The following TTC39B variants were observed in gnomAD, a reference collection of about 807,000 sequenced individuals.
TTC39B encodes tetratricopeptide repeat domain 39B.
In TTC39B, 92 loss-of-function variants were observed where a neutral mutation model predicts 96.6. The observed-to-expected ratio is 0.95, with a 90% CI of 0.80 to 1.13. The LOEUF (loss-of-function observed/expected upper bound fraction) is 1.13. Ranked by LOEUF, TTC39B falls within the 50% of genes most tolerant of loss-of-function variation. The pLI, the probability that TTC39B is intolerant of heterozygous loss-of-function variation, is 0.00. For synonymous variants in TTC39B, 367 were observed against 299.4 expected (o/e 1.23, Z -2.33); for missense variants, 955 against 809.3 (o/e 1.18, Z -2.18).
intron 1 of TTC39B, among the ~76,000 whole-genome samples, chr9:15,279,221 T>C (rs544052517): frequency 1.3e-5 from 2 of 152,366 alleles, no homozygotes; most frequent in East Asian, 3.9e-4. Flanking sequence ...ACCTCCTGCA[T>C]GATCTTGCTC....
chr9:15,176,720 T>C (rs1384665770), intron 18 of TTC39B, among the ~76,000 whole-genome samples: 1 of 152,138 alleles, frequency 6.6e-6, no homozygotes, highest in Non-Finnish European at 1.5e-5. Context: ...AATAATCAAA[T>C]AGAGCTGAGG....
At chr9:15,233,167 G>A (rs1821525910) in intron 2 of TTC39B, among the ~76,000 whole-genome samples, 1 of 152,092 alleles carries the variant, frequency 6.6e-6, no homozygotes, top group Non-Finnish European at 1.5e-5. Context: ...GTTGCTTCAG[G>A]ACCTTTTCTA....
intron 14 of TTC39B, 76 bp from the exon 15 acceptor site, chr9:15,187,111 C>G: frequency 9.7e-7 from 1 of 1,028,276 alleles, no homozygotes; most frequent in Non-Finnish European, 1.4e-6. Flanking sequence ...CAGGAATGAC[C>G]AACAAGTCTT....
At chr9:15,238,842 TG>T (rs1444773919) in intron 2 of TTC39B, among the ~76,000 whole-genome samples, 5 of 152,114 alleles carry the variant, frequency 3.3e-5, no homozygotes, top group African/African-American at 1.2e-4. Flanking sequence ...GAAAATTATC[TG>T]GGCGTGGTAT....
Position 15,243,727 on chromosome 9 carries a change from T to C in TTC39B, c.276-17715A>G, listed in dbSNP as rs559543482. 6.7e-3 allele frequency among the ~76,000 whole-genome samples: 1,017 copies of C among 152,124 alleles called. 16 individuals carry two copies. The highest frequency in any genetic ancestry group is 8.8e-3 in the Non-Finnish European group (595 of 67,990). On this transcript the variant is annotated intron_variant, in intron 2 of 19. Coordinates refer to ENST00000512701, the Ensembl canonical transcript of TTC39B. The stretch of plus-strand genomic sequence containing the variant: ...AACTTCTAGACTAGCCTGGGCAACA[T>C]AGCAATAGCCCATCTCTACAAAAAA...
At chr9:15,196,848 G>C (rs1463824765) in intron 8 of TTC39B, among the ~76,000 whole-genome samples, 1 of 152,126 alleles carries the variant, frequency 6.6e-6, no homozygotes, top group African/African-American at 2.4e-5. Context: ...TTTTATGAAA[G>C]GAAAAGTCAA....
At chr9:15,166,982 T>TTATATA (rs1174714919) in exon 20 of TTC39B, 115 of 20,176 alleles carry the variant, frequency 5.7e-3, no homozygotes, top group Non-Finnish European at 6.6e-3. Flanking sequence ...AACCTTTATT[T>TTATATA]TATATATATA....
chr9:15,235,374 C>G (rs999698574), intron 2 of TTC39B, among the ~76,000 whole-genome samples: 37 of 152,242 alleles, frequency 2.4e-4, no homozygotes, highest in African/African-American at 8.9e-4. Flanking sequence ...AAAAAGTAAG[C>G]AACCTGGAAA....
chr9:15,290,519 T>G lies in TTC39B; in HGVS notation c.240+16565A>C, dbSNP rs184178675. The stretch of plus-strand genomic sequence containing the variant: ...GAAAATATAACTTAACAACTTATCT[T>G]CACAGGTATGGGACAAAGACAAGAC... On this transcript the variant is annotated intron_variant, in intron 1 of 19. Coordinates refer to ENST00000512701, the Ensembl canonical transcript of TTC39B. Among the ~76,000 whole-genome samples, 174 of 152,340 alleles carry G rather than the reference T, an allele frequency of 1.1e-3. 1 individual carries two copies. The highest frequency in any genetic ancestry group is 6.5e-4 in the Non-Finnish European group (44 of 68,032).
chr9:15,180,304 C>G (rs935370991), intron 17 of TTC39B, among the ~76,000 whole-genome samples: 1 of 152,200 alleles, frequency 6.6e-6, no homozygotes, highest in Non-Finnish European at 1.5e-5. Context: ...ACATAACTCT[C>G]ATAATGTTTG....
chr9:15,245,555 T>C (rs1399505221), intron 2 of TTC39B, among the ~76,000 whole-genome samples: 1 of 151,952 alleles, frequency 6.6e-6, no homozygotes, highest in Non-Finnish European at 1.5e-5. Flanking sequence ...TGATGGCAAA[T>C]AAACGCTATA....
intron 16 of TTC39B, among the ~76,000 whole-genome samples, chr9:15,183,821 G>C (rs1009031163): frequency 2.0e-5 from 3 of 152,156 alleles, no homozygotes; most frequent in Non-Finnish European, 4.4e-5. Flanking sequence ...CAGTGTTCTT[G>C]TTTTTATTTG....
chr9:15,251,700 CAT>C (rs57422881), intron 2 of TTC39B, among the ~76,000 whole-genome samples: 10,075 of 97,824 alleles, frequency 0.1, 464 homozygotes, highest in Middle Eastern at 0.19. Flanking sequence ...CATACATATA[CAT>C]ATATATATAT....
intron 2 of TTC39B, among the ~76,000 whole-genome samples, chr9:15,261,337 G>A (rs895476252): frequency 1.3e-5 from 2 of 151,984 alleles, no homozygotes; most frequent in Admixed American, 6.6e-5. Flanking sequence ...TTAGCCAGGC[G>A]TGATGGCACC....
intron 2 of TTC39B, among the ~76,000 whole-genome samples, chr9:15,260,854 A>G (rs1047800525): frequency 6.6e-6 from 1 of 152,252 alleles, no homozygotes; most frequent in Non-Finnish European, 1.5e-5. Context: ...TTCTACAGGT[A>G]AGTACAAATT....
At chr9:15,171,895 A>G (rs1057221285) in exon 20 of TTC39B, 2 of 600,968 alleles carry the variant, frequency 3.3e-6, no homozygotes, top group African/African-American at 3.8e-5. Context: ...GATAGAAAAT[A>G]TTGACCAAAA....
intron 2 of TTC39B, among the ~76,000 whole-genome samples, chr9:15,246,199 G>GTTT: frequency 6.6e-6 from 1 of 152,202 alleles, no homozygotes; most frequent in African/African-American, 2.4e-5. Flanking sequence ...GTTGTGGTGA[G>GTTT]CCGAGATCAC....
intron 8 of TTC39B, among the ~76,000 whole-genome samples, chr9:15,196,308 A>G (rs1217998789): frequency 1.3e-5 from 2 of 152,252 alleles, no homozygotes; most frequent in African/African-American, 2.4e-5. Context: ...TTATAAGGCT[A>G]TTGCTGCCAT....
At chr9:15,231,898 T>C (rs1279164491) in intron 2 of TTC39B, among the ~76,000 whole-genome samples, 2 of 152,152 alleles carry the variant, frequency 1.3e-5, no homozygotes, top group Non-Finnish European at 2.9e-5. Context: ...ATGTTTGTAA[T>C]CTAGAGTCGA....
Sources: gnomAD v4.1 joint callset for allele counts (sites outside exome capture counted in the v4.1 genomes callset) on GRCh38, gnomAD v4.1.1 for gene constraint, MANE v1.5 for transcripts, NCBI Gene and HGNC (gene_info 2026-07-23, HGNC 2026-07-21) for gene names.